The following ZNF670 variants were observed in gnomAD, a reference collection of about 807,000 sequenced individuals.
The protein encoded by ZNF670 is zinc finger protein 670.
Under a neutral mutation model 10.9 loss-of-function variants are expected in ZNF670, and 7 were observed. The observed-to-expected ratio is 0.64, with a 90% CI of 0.36 to 1.20. The LOEUF (loss-of-function observed/expected upper bound fraction) is 1.20, where lower values mean the gene tolerates loss of function less well. Among genes scored for constraint, ZNF670 ranks in the 50% most tolerant of loss-of-function variants. The probability of loss-of-function intolerance (pLI) is 0.02; values close to 1 mark genes in which losing one functional copy is unlikely to be tolerated. For synonymous variants in ZNF670, 136 were observed against 152.7 expected (o/e 0.89, Z 0.81); for missense variants, 446 against 458.6 (o/e 0.97, Z 0.25).
chr1:247,044,375 GC>G (rs1236775163), intron 1 of ZNF670, among the ~76,000 whole-genome samples: 1 of 152,164 alleles, frequency 6.6e-6, no homozygotes, highest in East Asian at 1.9e-4. Context: ...AATTAGTTCA[GC>G]CATTGTGAAA....
chr1:247,036,216 A>G lies in ZNF670; in HGVS notation c.*1233T>C, dbSNP rs1338306894. 6.6e-6 allele frequency among the ~76,000 whole-genome samples: 1 copy of G among 152,198 alleles called. No homozygotes were observed. Among genetic ancestry groups the G allele is most frequent in the East Asian group, 1.9e-4 (1 of 5,198 alleles). On this transcript the variant is annotated 3_prime_UTR_variant, in exon 4 of 4. Coordinates refer to ENST00000366503, the MANE Select transcript of ZNF670 (RefSeq NM_033213.5). ...AACACTCCTTTACCATGAAACAATA[A>G]ATAAAAAACACAAGAAAACTTCCTG...
intron 1 of ZNF670, among the ~76,000 whole-genome samples, chr1:247,047,895 A>C (rs1013401782): frequency 1.3e-5 from 2 of 151,942 alleles, no homozygotes; most frequent in Non-Finnish European, 2.9e-5. Flanking sequence ...CGGATCATGA[A>C]ACCATTTTTT....
intron 1 of ZNF670, among the ~76,000 whole-genome samples, chr1:247,046,748 C>T (rs1230410103): frequency 1.3e-5 from 2 of 152,078 alleles, no homozygotes; most frequent in Non-Finnish European, 1.5e-5. Context: ...TTTCCAGACC[C>T]CAGAATGGTA....
chr1:247,035,700 C>G lies in ZNF670; in HGVS notation c.*1749G>C, dbSNP rs1670134199. Among the ~76,000 whole-genome samples the G allele has an allele frequency of 6.6e-6, 1 of 152,124 alleles. No homozygotes were observed. The highest frequency in any genetic ancestry group is 1.5e-5 in the Non-Finnish European group (1 of 68,018). On this transcript the variant is annotated 3_prime_UTR_variant, in exon 4 of 4. Transcript: ENST00000366503. ...TATACATGTAGACATGCTATATATA[C>G]AGATGATGCTATACTATATGGTATA...
chr1:247,070,518 A>C (rs1334014854), intron 1 of ZNF670, among the ~76,000 whole-genome samples: 1 of 152,236 alleles, frequency 6.6e-6, no homozygotes, highest in Non-Finnish European at 1.5e-5. Context: ...AAAACCTGTA[A>C]GTATAAAAAC....
Position 247,078,799 on chromosome 1 carries a change from C to G in ZNF670, c.-203G>C. On this transcript the variant is annotated 5_prime_UTR_variant, in exon 1 of 4. Coordinates refer to ENST00000366503, the MANE Select transcript of ZNF670 (RefSeq NM_033213.5). The stretch of plus-strand genomic sequence containing the variant: ...CGGAAGCTGCTCCCTCCTTTCGCGG[C>G]GCGCTTGAGAGTACAGTCCCCTTCC... 2 of 596,832 alleles carry G rather than the reference C, an allele frequency of 3.4e-6. No homozygotes were observed. Among genetic ancestry groups the G allele is most frequent in the Non-Finnish European group, 5.9e-6 (2 of 338,176 alleles). 37.0% of individuals were successfully genotyped at this position (596,832 alleles called of 1,614,324 possible).
rs988557041 is a variant in ZNF670, at chr1:247,037,649, G to C, written c.970C>G (p.Leu324Val). The change falls in exon 4 of 4, where the codon CTA becomes GTA. Residue 324 changes from leucine (L) to valine (V), a missense_variant. Transcript: ENST00000366503. ...GTGTGAGTTCTTTCATGCTCACATA[G>C]GTTACTAGAATATTTGAAGGCTTTA... Reference protein sequence around the residue: ...CGKAFKYSSNLCEHERTHTGV... With the variant: ...CGKAFKYSSNVCEHERTHTGV... 3 of 1,613,904 alleles carry C rather than the reference G, an allele frequency of 1.9e-6. No individual in the cohort carries two copies. The highest frequency in any genetic ancestry group is 2.7e-5 in the African/African-American group (2 of 74,908).
At chr1:247,043,619 C>A in intron 1 of ZNF670, 2 of 564,330 alleles carry the variant, frequency 3.5e-6, no homozygotes. Context: ...GTCAGAATAA[C>A]ATCAAAAATC....
chr1:247,072,804 G>GTATGCATATATATATA (rs1553323550), intron 1 of ZNF670, among the ~76,000 whole-genome samples: 5 of 47,664 alleles, frequency 1.0e-4, no homozygotes, highest in African/African-American at 4.6e-4. Flanking sequence ...AAAAGTGTGT[G>GTATGCATATATATATA]TATATATATA....
intron 1 of ZNF670, among the ~76,000 whole-genome samples, chr1:247,044,828 G>A (rs1327000952): frequency 1.3e-5 from 2 of 152,096 alleles, no homozygotes; most frequent in Non-Finnish European, 2.9e-5. Context: ...AGGAAAGTGA[G>A]AGTCAAAAAA....
intron 1 of ZNF670, among the ~76,000 whole-genome samples, chr1:247,075,032 A>G (rs1278011955): frequency 5.3e-5 from 8 of 152,202 alleles, no homozygotes; most frequent in Admixed American, 5.2e-4. Flanking sequence ...CAATATAAAG[A>G]GCTCCTTTCA....
intron 1 of ZNF670, among the ~76,000 whole-genome samples, chr1:247,053,552 C>T (rs146904826): frequency 0.014 from 2,120 of 152,244 alleles, 51 homozygotes; most frequent in African/African-American, 0.048. Flanking sequence ...AGGAGAATGG[C>T]GTGAACCCGT....
At chr1:247,053,553 G>A (rs6426214) in intron 1 of ZNF670, among the ~76,000 whole-genome samples, 49,654 of 152,034 alleles carry the variant, frequency 0.33, 8,954 homozygotes, top group African/African-American at 0.46. Flanking sequence ...GGAGAATGGC[G>A]TGAACCCGTG....
intron 1 of ZNF670, among the ~76,000 whole-genome samples, chr1:247,040,791 G>A (rs1215008835): frequency 6.6e-6 from 1 of 152,074 alleles, no homozygotes; most frequent in East Asian, 1.9e-4. Context: ...TGCCTCCCAG[G>A]TTCAAGCGAT....
At chr1:247,048,857 T>G (rs1448135520) in intron 1 of ZNF670, among the ~76,000 whole-genome samples, 1 of 152,194 alleles carries the variant, frequency 6.6e-6, no homozygotes, top group East Asian at 1.9e-4. Flanking sequence ...GTCTCTCAAT[T>G]CAAGGTGAGA....
chr1:247,051,481 T>TCTG (rs1670593719), intron 1 of ZNF670, among the ~76,000 whole-genome samples: 1 of 152,214 alleles, frequency 6.6e-6, no homozygotes, highest in African/African-American at 2.4e-5. Context: ...TGCTGAAAAA[T>TCTG]CTGCTGTAAT....
intron 1 of ZNF670, chr1:247,043,660 T>A (rs1172245645): frequency 1.9e-6 from 1 of 527,928 alleles, no homozygotes; most frequent in African/African-American, 1.9e-5. Flanking sequence ...AGTGGGAGAT[T>A]ATGCTCCAGG....
Position 247,037,787 on chromosome 1 carries a change from C to T in ZNF670, c.832G>A (p.Glu278Lys), listed in dbSNP as rs1670195726. ...LGIHERTHTG[E>K]KPYECIKCGK... ...CATTTTATACATTCATAGGGTTTTT[C>T]TCCAGTATGCGTTCTTTCATGTATT... The change falls in exon 4 of 4, where the codon GAA (glutamate) becomes AAA (lysine). Residue 278 changes from glutamate (E) to lysine (K), a missense_variant. By Grantham distance (56) the Glu-to-Lys change is moderately conservative (BLOSUM62 1). Transcript: ENST00000366503. 1.2e-6 allele frequency: 2 copies of T among 1,613,696 alleles called. No homozygotes were observed. Among genetic ancestry groups the T allele is most frequent in the Non-Finnish European group, 1.7e-6 (2 of 1,179,882 alleles).
chr1:247,065,362 T>A (rs367555940), intron 1 of ZNF670, among the ~76,000 whole-genome samples: 5 of 152,316 alleles, frequency 3.3e-5, no homozygotes, highest in Admixed American at 6.5e-5. Flanking sequence ...CCAGAAGTGA[T>A]GAGTCCCTGG....
Sources: gnomAD v4.1 joint callset for allele counts (sites outside exome capture counted in the v4.1 genomes callset) on GRCh38, gnomAD v4.1.1 for gene constraint, MANE v1.5 for transcripts, NCBI Gene and HGNC (gene_info 2026-07-23, HGNC 2026-07-21) for gene names.